DSCAM: variants seen among roughly 807,000 people sequenced by gnomAD.
DSCAM encodes the protein cell adhesion molecule DSCAM.
A neutral mutation model predicts 217.7 loss-of-function variants in DSCAM; 47 were observed. The ratio of observed to expected loss-of-function variants is 0.22; its 90% CI spans 0.17 to 0.28. DSCAM has a LOEUF of 0.28. DSCAM is among the 10% of genes least tolerant of loss of function. DSCAM has a pLI of 1.00. For missense variants in DSCAM, 2,080 were observed against 2,618.3 expected, an observed-to-expected ratio of 0.79 and a Z score of 4.49; for synonymous variants, 1,056 against 1,015.3, an observed-to-expected ratio of 1.04 and a Z score of -0.76.
intron 8 of DSCAM, among the ~76,000 whole-genome samples, chr21:40,316,813 C>A (rs1459157789): frequency 6.6e-6 from 1 of 152,158 alleles, no homozygotes. Flanking sequence ...TCTATCTAAA[C>A]CCTTAACAAG....
intron 3 of DSCAM, among the ~76,000 whole-genome samples, chr21:40,599,976 C>A (rs767134757): frequency 1.9e-4 from 29 of 152,100 alleles, no homozygotes; most frequent in Admixed American, 3.3e-4. Context: ...AGCCTACCAA[C>A]CAAAAAAAGC....
intron 14 of DSCAM, among the ~76,000 whole-genome samples, chr21:40,182,592 GCCAGCAGAGAAACCGTGGACAGAAC>G (rs2090823619): frequency 2.0e-5 from 3 of 146,918 alleles, no homozygotes; most frequent in East Asian, 2.1e-4. Flanking sequence ...GACAGGAGGG[GCCAGCAGAGAAACCGTGGACAGAAC>G]GGGCCACCAG....
intron 19 of DSCAM, among the ~76,000 whole-genome samples, chr21:40,126,214 G>A (rs552898437): frequency 6.7e-6 from 1 of 149,918 alleles, no homozygotes; most frequent in South Asian, 2.1e-4. Context: ...ATGAAGGAGG[G>A]AAGAACAAAA....
intron 3 of DSCAM, among the ~76,000 whole-genome samples, chr21:40,552,590 C>T (rs2076639328): frequency 6.6e-6 from 1 of 152,194 alleles, no homozygotes; most frequent in Admixed American, 6.5e-5. Flanking sequence ...TCACCAATCA[C>T]CTATTCTATC....
intron 20 of DSCAM, among the ~76,000 whole-genome samples, chr21:40,104,182 T>C (rs1468215229): frequency 6.6e-6 from 1 of 152,092 alleles, no homozygotes; most frequent in Non-Finnish European, 1.5e-5. Flanking sequence ...ATTATCTATC[T>C]GTCAAAGTTA....
intron 3 of DSCAM, among the ~76,000 whole-genome samples, chr21:40,531,506 T>C (rs1157258800): frequency 6.6e-6 from 1 of 152,196 alleles, no homozygotes; most frequent in African/African-American, 2.4e-5. Context: ...CACGTCAGTA[T>C]TTCCACCACT....
chr21:40,340,264 C>G (rs2074477044), intron 6 of DSCAM, among the ~76,000 whole-genome samples: 1 of 152,102 alleles, frequency 6.6e-6, no homozygotes, highest in Non-Finnish European at 1.5e-5. Context: ...CGCAGGCAAA[C>G]TAGGATCTTA....
At chr21:40,843,905 G>C (rs915926077) in intron 1 of DSCAM, among the ~76,000 whole-genome samples, 1 of 145,488 alleles carries the variant, frequency 6.9e-6, no homozygotes, top group Non-Finnish European at 1.5e-5. Context: ...GTTGTCTACT[G>C]TTAAAATGCA....
chr21:40,353,790 G>C (rs1242727411), intron 4 of DSCAM, 47 bp from the exon 5 acceptor site: 1 of 1,445,372 alleles, frequency 6.9e-7, no homozygotes, highest in Non-Finnish European at 9.1e-7. Flanking sequence ...AGGAGTTGAA[G>C]TGGTCATTTA....
chr21:40,489,147 G>A (rs2076054079), intron 3 of DSCAM, among the ~76,000 whole-genome samples: 3 of 152,174 alleles, frequency 2.0e-5, no homozygotes, highest in East Asian at 1.9e-4. Flanking sequence ...CATTATTCTG[G>A]GTGTTTCTGT....
At chr21:40,828,369 C>T (rs551390418) in intron 1 of DSCAM, among the ~76,000 whole-genome samples, 27 of 152,264 alleles carry the variant, frequency 1.8e-4, no homozygotes, top group East Asian at 1.9e-4. Context: ...GTCACAGTAG[C>T]GAAGGTCATG....
In DSCAM at chr21:40,623,185, C is replaced by T. The variant is rs146659245; in HGVS notation, c.508+69625G>A. 3.7e-3 allele frequency among the ~76,000 whole-genome samples: 567 copies of T among 151,980 alleles called. 4 individuals are homozygous for T. Among genetic ancestry groups the T allele is most frequent in the African/African-American group, 0.013 (535 of 41,458 alleles). On this transcript the variant is annotated intron_variant, in intron 3 of 32. Transcript: ENST00000400454. Reference sequence around the variant, plus strand: ...CATTTTCAAAGAAGGAGATCTGAAGCGGGGCCCTGGCTGACTCATTGAAGA... The same window carrying T: ...CATTTTCAAAGAAGGAGATCTGAAGTGGGGCCCTGGCTGACTCATTGAAGA...
chr21:40,543,069 A>G (rs2076554289), intron 3 of DSCAM, among the ~76,000 whole-genome samples: 1 of 152,214 alleles, frequency 6.6e-6, no homozygotes, highest in African/African-American at 2.4e-5. Context: ...ATTAAATAAA[A>G]TGTATCTGGC....
chr21:40,555,155 C>A (rs1438527148), intron 3 of DSCAM, among the ~76,000 whole-genome samples: 1 of 152,108 alleles, frequency 6.6e-6, no homozygotes, highest in Non-Finnish European at 1.5e-5. Flanking sequence ...TTCCAGAAAG[C>A]CTGATGATGT....
At chr21:40,346,976 T>G (rs2074564380) in intron 6 of DSCAM, among the ~76,000 whole-genome samples, 1 of 152,128 alleles carries the variant, frequency 6.6e-6, no homozygotes, top group Non-Finnish European at 1.5e-5. Flanking sequence ...AGCATACATC[T>G]AGTGGAAAGG....
At chr21:40,677,002 G>A (rs1308045986) in intron 3 of DSCAM, among the ~76,000 whole-genome samples, 1 of 151,960 alleles carries the variant, frequency 6.6e-6, no homozygotes, top group African/African-American at 2.4e-5. Context: ...TCAATGATAG[G>A]GTTTCAATTC....
chr21:40,686,217 A>ACACACACACCCTC (rs1555880554), intron 3 of DSCAM, among the ~76,000 whole-genome samples: 13,056 of 146,360 alleles, frequency 0.089, 595 homozygotes, highest in South Asian at 0.12. Context: ...CCACACACAC[A>ACACACACACCCTC]CACACACACA....
chr21:40,726,649 C>T (rs2090958274), intron 1 of DSCAM, among the ~76,000 whole-genome samples: 1 of 152,136 alleles, frequency 6.6e-6, no homozygotes, highest in Non-Finnish European at 1.5e-5. Context: ...CAAACCAACC[C>T]TATGCGGAAC....
chr21:40,279,618 T>C (rs1297078244), intron 10 of DSCAM, among the ~76,000 whole-genome samples: 2 of 152,180 alleles, frequency 1.3e-5, no homozygotes, highest in Non-Finnish European at 2.9e-5. Context: ...AGCAATCCCA[T>C]TACTGGGTAT....
Sources: allele counts gnomAD v4.1 joint callset (sites outside exome capture counted in the v4.1 genomes callset), GRCh38; gene constraint gnomAD v4.1.1; transcripts MANE v1.5; gene names NCBI Gene and HGNC (gene_info 2026-07-23, HGNC 2026-07-21).